Variants in MARCHF1 observed in about 807,000 individuals in gnomAD.
MARCHF1 encodes membrane associated ring-CH-type finger 1, also known as E3 ubiquitin-protein ligase MARCHF1.
A neutral mutation model predicts 54.2 loss-of-function variants in MARCHF1; 40 were observed. The ratio of observed to expected loss-of-function variants is 0.74; its 90% CI spans 0.57 to 0.96. The LOEUF (loss-of-function observed/expected upper bound fraction) is 0.96. MARCHF1 is among the 40% of genes least tolerant of loss of function. MARCHF1 has a pLI of 0.00. For missense variants in MARCHF1, 586 were observed against 656.5 expected, an observed-to-expected ratio of 0.89 and a Z score of 1.17; for synonymous variants, 236 against 236.3, an observed-to-expected ratio of 1.00 and a Z score of 0.01.
At chr4:164,176,980 C>CTCTATA (rs1466683245) in intron 1 of MARCHF1, among the ~76,000 whole-genome samples, 23 of 58,902 alleles carry the variant, frequency 3.9e-4, no homozygotes, top group East Asian at 2.5e-3. Context: ...CTCTCTCTCT[C>CTCTATA]TATATATATA....
intron 2 of MARCHF1, among the ~76,000 whole-genome samples, chr4:164,077,434 A>G (rs982522708): frequency 6.6e-6 from 1 of 152,228 alleles, no homozygotes; most frequent in African/African-American, 2.4e-5. Flanking sequence ...ACCCTAGAAG[A>G]AAACCTAGGC....
At chr4:163,609,688 AT>A (rs900643951) in intron 7 of MARCHF1, among the ~76,000 whole-genome samples, 1 of 145,726 alleles carries the variant, frequency 6.9e-6, no homozygotes, top group Admixed American at 6.7e-5. Flanking sequence ...ATATATATAT[AT>A]TTTTTTGCCC....
At chr4:163,933,957 A>G (rs775518487) in intron 3 of MARCHF1, among the ~76,000 whole-genome samples, 4 of 152,228 alleles carry the variant, frequency 2.6e-5, no homozygotes, top group Non-Finnish European at 4.4e-5. Context: ...TTTACTGTGT[A>G]ATGCAAGTAG....
rs35573751 is a variant in MARCHF1, at chr4:164,208,457, T to G, written c.-322-96795A>C. Among the ~76,000 whole-genome samples, 1,196 of 152,316 alleles carry G rather than the reference T, an allele frequency of 7.9e-3. 15 individuals carry two copies. The highest frequency in any genetic ancestry group is 0.013 in the Non-Finnish European group (872 of 68,020). On this transcript the variant is annotated intron_variant, in intron 1 of 9. Transcript: ENST00000514618. ...CAAAGCTGAGTATTTGTAGACAAAC[T>G]GCAGAAATTTAACATTTTCCTGAGT...
At chr4:163,833,055 G>T (rs931025170) in intron 4 of MARCHF1, among the ~76,000 whole-genome samples, 5 of 151,932 alleles carry the variant, frequency 3.3e-5, no homozygotes, top group African/African-American at 1.2e-4. Context: ...AAACATACGT[G>T]TGCATGTGTC....
At chr4:163,532,935 G>T (rs1738402666) in intron 9 of MARCHF1, among the ~76,000 whole-genome samples, 3 of 151,968 alleles carry the variant, frequency 2.0e-5, no homozygotes, top group African/African-American at 7.2e-5. Flanking sequence ...AAATGGTACA[G>T]TCACTTTGGA....
chr4:164,286,003 C>T (rs1395921142), intron 1 of MARCHF1, among the ~76,000 whole-genome samples: 1 of 152,020 alleles, frequency 6.6e-6, no homozygotes, highest in Non-Finnish European at 1.5e-5. Flanking sequence ...GGAGTAAGCA[C>T]ATAGGTAAAA....
intron 3 of MARCHF1, among the ~76,000 whole-genome samples, chr4:163,973,657 A>T (rs1225268506): frequency 6.6e-6 from 1 of 152,236 alleles, no homozygotes; most frequent in African/African-American, 2.4e-5. Flanking sequence ...ACATAGAATA[A>T]ATCCAAGGCA....
intron 4 of MARCHF1, among the ~76,000 whole-genome samples, chr4:163,756,395 G>A (rs944331512): frequency 1.3e-5 from 2 of 152,006 alleles, no homozygotes; most frequent in South Asian, 4.2e-4. Context: ...TTGGGAGGCC[G>A]AGGTGGGTGG....
Position 163,612,613 on chromosome 4 carries a change from A to C in MARCHF1, c.668T>G (p.Ile223Ser). The C allele has an allele frequency of 6.5e-7, 1 of 1,535,518 alleles. No individual in the cohort carries two copies. Among genetic ancestry groups the C allele is most frequent in the Non-Finnish European group, 8.7e-7 (1 of 1,146,544 alleles). ...ATTTAAAGAGCAACTCTCACATTCA[A>C]TCAGCTCTTGTTGCTCTTTACCTTT... ...GSKGKEQQELIECESCSLNLH... is the reference protein window; with the variant it reads ...GSKGKEQQELSECESCSLNLH... Residue 223 changes from isoleucine to serine, a missense_variant, in exon 7 of 10, where the codon ATT becomes AGT. Ile to Ser is a moderately radical substitution (Grantham distance 142, BLOSUM62 -2). This residue lies in a region of MARCHF1 where 387 missense variants were observed against 394.6 expected (regional missense o/e 0.98). Coordinates refer to ENST00000514618, the MANE Select transcript of MARCHF1 (RefSeq NM_001394959.1).
At chr4:163,656,328 C>G (rs1743140062) in intron 5 of MARCHF1, among the ~76,000 whole-genome samples, 1 of 151,954 alleles carries the variant, frequency 6.6e-6, no homozygotes. Flanking sequence ...AATTCCTAGA[C>G]ACATATACCC....
At chr4:164,352,448 G>A (rs1361835594) in intron 1 of MARCHF1, among the ~76,000 whole-genome samples, 409 of 142,438 alleles carry the variant, frequency 2.9e-3, no homozygotes, top group Non-Finnish European at 3.8e-3. Context: ...GAGAGTGGGG[G>A]CCAATATTCA....
At chr4:164,279,811 C>T in intron 1 of MARCHF1, among the ~76,000 whole-genome samples, 1 of 151,566 alleles carries the variant, frequency 6.6e-6, no homozygotes, top group Middle Eastern at 4.5e-3. Context: ...TATGAAACCT[C>T]TTCCTAATCA....
chr4:163,897,578 C>A (rs576143481), intron 3 of MARCHF1, among the ~76,000 whole-genome samples: 42 of 152,160 alleles, frequency 2.8e-4, no homozygotes, highest in Middle Eastern at 3.4e-3. Context: ...TACCTACAAC[C>A]AATTGAACAT....
intron 1 of MARCHF1, among the ~76,000 whole-genome samples, chr4:164,347,159 A>C (rs1184609895): frequency 6.6e-6 from 1 of 152,170 alleles, no homozygotes; most frequent in Non-Finnish European, 1.5e-5. Flanking sequence ...ACATGTGAAA[A>C]AAAAATTGTG....
At chr4:163,533,130 A>C (rs993145335) in intron 9 of MARCHF1, among the ~76,000 whole-genome samples, 1 of 151,842 alleles carries the variant, frequency 6.6e-6, no homozygotes, top group Non-Finnish European at 1.5e-5. Context: ...GTGAATGAAT[A>C]AACTGTGATA....
chr4:163,569,320 T>C (rs748348466), intron 8 of MARCHF1, among the ~76,000 whole-genome samples: 8 of 152,152 alleles, frequency 5.3e-5, no homozygotes, highest in Non-Finnish European at 1.0e-4. Flanking sequence ...TGTGTCCTTT[T>C]AGTTTTTTGT....
At chr4:164,021,455 T>C (rs1211201484) in intron 2 of MARCHF1, among the ~76,000 whole-genome samples, 1 of 152,182 alleles carries the variant, frequency 6.6e-6, no homozygotes, top group Non-Finnish European at 1.5e-5. Flanking sequence ...TCTTTGTTTT[T>C]CCTTGAGCCT....
intron 2 of MARCHF1, among the ~76,000 whole-genome samples, chr4:164,030,588 T>C (rs1025080634): frequency 2.0e-5 from 3 of 152,170 alleles, no homozygotes; most frequent in African/African-American, 7.2e-5. Flanking sequence ...TTAATAACAA[T>C]AAAACAACTT....
Sources: gnomAD v4.1 joint callset for allele counts (sites outside exome capture counted in the v4.1 genomes callset) on GRCh38, gnomAD v4.1.1 for gene constraint, gnomAD v4.1.1 regional missense constraint, MANE v1.5 for transcripts, NCBI Gene and HGNC (gene_info 2026-07-23, HGNC 2026-07-21) for gene names.